The following USP20 variants were observed in gnomAD, a reference collection of about 807,000 sequenced individuals.
USP20 encodes the protein ubiquitin specific peptidase 20.
A neutral mutation model predicts 124.2 loss-of-function variants in USP20; 80 were observed. The observed-to-expected ratio is 0.64, with a 90% CI of 0.54 to 0.78. The LOEUF is 0.78. Among genes scored for constraint, USP20 ranks in the 30% least tolerant of loss-of-function variants. The probability of loss-of-function intolerance (pLI) is 0.00; values close to 1 mark genes in which losing one functional copy is unlikely to be tolerated. For synonymous variants in USP20, 481 were observed against 512.3 expected, an observed-to-expected ratio of 0.94 and a Z score of 0.83; for missense variants, 1,043 against 1,244.4, an observed-to-expected ratio of 0.84 and a Z score of 2.44.
At position 129,879,524 on chromosome 9, in the gene USP20, G is replaced by A. The variant is rs1285381880; in HGVS notation, c.2513-49G>A. On this transcript the variant is annotated intron_variant, in intron 23 of 25. Coordinates refer to ENST00000372429, the MANE Select transcript of USP20 (RefSeq NM_001110303.4). The surrounding 1 kb of genome is among the most constrained non-coding windows in gnomAD (Gnocchi z 4.2). ...TGGGATGGCTCTGCTGCTGTGGAGG[G>A]TGGAGGGCATGGCAGGGGCTGAACC... The A allele has an allele frequency of 6.2e-7, 1 of 1,601,482 alleles. No homozygotes were observed. The highest frequency in any genetic ancestry group is 1.7e-5 in the Admixed American group (1 of 59,826).
At position 129,869,791 on chromosome 9, in the gene USP20, G is replaced by T; in HGVS notation, c.1512G>T (p.Gly504=). Residue 504 remains glycine (G), a synonymous_variant, in exon 14 of 26, where the codon GGG becomes GGT. Transcript: ENST00000372429. ...QNVPAKPGAC[G]DSYAAQGWLA... is the part of the protein sequence containing the mutation. ...TGCCGGCCAAGCCAGGCGCCTGTGG[G>T]GACAGCTATGCCGCCCAGGGCTGGC... 2 of 1,613,992 alleles carry T rather than the reference G, an allele frequency of 1.2e-6. No individual in the cohort carries two copies. The highest frequency in any genetic ancestry group is 3.3e-4 in the Middle Eastern group (2 of 6,060).
intron 1 of USP20, among the ~76,000 whole-genome samples, chr9:129,847,666 C>T (rs912888502): frequency 7.9e-5 from 12 of 152,028 alleles, no homozygotes; most frequent in South Asian, 4.1e-4. Flanking sequence ...ATAAAATGCA[C>T]GCACTTTAAA....
intron 1 of USP20, among the ~76,000 whole-genome samples, chr9:129,844,083 T>G (rs968237729): frequency 6.6e-6 from 1 of 151,898 alleles, no homozygotes; most frequent in Admixed American, 6.6e-5. Flanking sequence ...AAACAAAAGA[T>G]TCATATTCCA....
At chr9:129,873,419 CT>C (rs1266789031) in intron 15 of USP20, 62 bp from the exon 16 acceptor site, 25 of 1,587,136 alleles carry the variant, frequency 1.6e-5, no homozygotes, top group Admixed American at 5.0e-5. Flanking sequence ...ATTATAGTCA[CT>C]TTTTTTTGCT....
rs2032070603 is a variant in USP20, at chr9:129,839,532, T to C, written c.-129+4033T>C. Among the ~76,000 whole-genome samples the C allele has an allele frequency of 6.6e-6, 1 of 151,132 alleles. No individual in the cohort carries two copies. The highest frequency in any genetic ancestry group is 2.4e-5 in the African/African-American group (1 of 40,986). ...GTCTGGGACTTAGGGAGAATGCTGT[T>C]GTGTGGAGGTAGAGTAAAGACAGCA... On this transcript the variant is annotated intron_variant, in intron 1 of 25. Coordinates refer to ENST00000372429, the MANE Select transcript of USP20 (RefSeq NM_001110303.4). This position sits in a 1 kb window ranked among gnomAD's most constrained non-coding sequence, Gnocchi z 4.5.
intron 25 of USP20, 68 bp downstream of exon 25, chr9:129,880,357 A>T: frequency 6.8e-7 from 1 of 1,470,590 alleles, no homozygotes; most frequent in South Asian, 1.3e-5. Context: ...AGACCCTCAC[A>T]TGTCCTTTTG....
chr9:129,878,212 A>G (rs531286363), intron 22 of USP20, 126 bp from the exon 23 acceptor site: 3 of 733,202 alleles, frequency 4.1e-6, no homozygotes, highest in Admixed American at 2.2e-5. Context: ...TTTCACCTTG[A>G]GTATCTGGTG....
intron 15 of USP20, among the ~76,000 whole-genome samples, chr9:129,871,863 C>T (rs1270463734): frequency 6.6e-6 from 1 of 151,834 alleles, no homozygotes; most frequent in Non-Finnish European, 1.5e-5. Context: ...ATTACAGGCA[C>T]ATGCCACCAC....
Position 129,869,881 on chromosome 9 carries a change from G to GA in USP20, c.1565+37_1565+38insA, listed in dbSNP as rs771835094. On this transcript the variant is annotated intron_variant, in intron 14 of 25. Transcript: ENST00000372429. ...TTGCCACTACTGGGCGACATGGGCT[G>GA]GGCCTGTCCTGGTTTTCCTGGGCGG... 308 of 1,493,112 alleles carry GA rather than the reference G, an allele frequency of 2.1e-4. 1 individual carries two copies. The highest frequency in any genetic ancestry group is 2.6e-4 in the Non-Finnish European group (287 of 1,119,462). 92.5% of individuals were successfully genotyped at this position (1,493,112 alleles called of 1,614,324 possible). A position where few individuals can be genotyped will look rare whatever the true frequency, so the allele number is the denominator to read the frequency against.
intron 22 of USP20, 122 bp downstream of exon 22, chr9:129,876,360 T>A: frequency 1.3e-6 from 1 of 765,278 alleles, no homozygotes; most frequent in Non-Finnish European, 2.2e-6. Context: ...CTTTTGAGGC[T>A]GGGCATGGTG....
In USP20 at chr9:129,876,214, G is replaced by A. The variant is rs749214487; in HGVS notation, c.2385G>A (p.Arg795=). The change falls in exon 22 of 26, where the codon AGG becomes AGA. Residue 795 remains arginine, a synonymous_variant. Coordinates refer to ENST00000372429, the MANE Select transcript of USP20 (RefSeq NM_001110303.4). ...VEIEALAKRR[R]IEIDTFIKLN... ...TCGAGGCACTGGCCAAGCGCAGGAG[G>A]ATCGAGATCGACACCTTCATCAAGG... The A allele has an allele frequency of 8.7e-6, 14 of 1,604,472 alleles. No individual in the cohort carries two copies. Among genetic ancestry groups the A allele is most frequent in the Non-Finnish European group, 1.2e-5 (14 of 1,175,412 alleles).
chr9:129,836,766 T>G (rs1436516022), intron 1 of USP20, among the ~76,000 whole-genome samples: 1 of 152,166 alleles, frequency 6.6e-6, no homozygotes, highest in Non-Finnish European at 1.5e-5. Context: ...AGTCTCAAAG[T>G]CTTGCCCTCT....
intron 20 of USP20, 24 bp downstream of exon 20, chr9:129,875,503 G>A (rs1462049079): frequency 1.9e-6 from 3 of 1,612,754 alleles, no homozygotes; most frequent in South Asian, 1.1e-5. Context: ...TGTGGTGGGA[G>A]AGCAGGGTGG....
Position 129,858,100 on chromosome 9 carries a change from C to G in USP20, c.186C>G (p.Thr62=), listed in dbSNP as rs10988533. ...GCGESFADHS[T]IHAQAKKHNL... is the part of the protein sequence containing the mutation. ...GAGAATCCTTTGCTGACCACAGCAC[C>G]ATTCATGCACAGGTGAGTGTGGTGG... The change falls in exon 5 of 26, where the codon ACC becomes ACG. Residue 62 remains threonine (T), a synonymous_variant. Coordinates refer to ENST00000372429, the MANE Select transcript of USP20 (RefSeq NM_001110303.4). 3.6e-4 allele frequency: 585 copies of G among 1,613,908 alleles called. 4 individuals carry two copies. In the East Asian group the frequency reaches 0.011, roughly 32 times the overall value.
In USP20 at chr9:129,876,145, C is replaced by T. The variant is rs9644953; in HGVS notation, c.2316C>T (p.Pro772=). The T allele has an allele frequency of 6.4e-3, 10,327 of 1,613,044 alleles. 266 individuals carry two copies. In the East Asian group the frequency reaches 0.07, roughly 11 times the overall value. ...EHLYNRFGGG[P]AVNHLYVCSI... ...CTGGGCACAGATTCGGGGGTGGCCCCGCCGTGAACCACCTGTACGTGTGCT... is the reference window on the plus strand; with the variant it reads ...CTGGGCACAGATTCGGGGGTGGCCCTGCCGTGAACCACCTGTACGTGTGCT... Residue 772 remains proline (P), a synonymous_variant, in exon 22 of 26, where the codon CCC becomes CCT. Transcript: ENST00000372429.
intron 6 of USP20, among the ~76,000 whole-genome samples, chr9:129,860,353 C>T (rs1283162851): frequency 3.4e-5 from 5 of 148,800 alleles, no homozygotes; most frequent in African/African-American, 9.9e-5. Context: ...AAAACGTCTA[C>T]ATAAGATACA....
At chr9:129,859,707 T>C (rs2033435980) in intron 6 of USP20, among the ~76,000 whole-genome samples, 1 of 152,226 alleles carries the variant, frequency 6.6e-6, no homozygotes, top group African/African-American at 2.4e-5. Context: ...CAATATCTTG[T>C]TTTTGTTGTG....
chr9:129,851,794 G>A (rs62586273), intron 2 of USP20, among the ~76,000 whole-genome samples: 22,497 of 151,890 alleles, frequency 0.15, 2,205 homozygotes, highest in African/African-American at 0.27. Flanking sequence ...CAGTTAGACA[G>A]AAGCAACAGA....
rs760575747 is a variant in USP20, at chr9:129,861,565, C to T, written c.450C>T (p.Leu150=). The T allele has an allele frequency of 1.6e-5, 26 of 1,613,996 alleles. No homozygotes were observed. Among genetic ancestry groups the T allele is most frequent in the African/African-American group, 4.0e-5 (3 of 74,892 alleles). The change falls in exon 8 of 26, where the codon CTC becomes CTT. Residue 150 remains leucine, a synonymous_variant. Transcript: ENST00000372429. ...CAGGCCTCACGGGCATGAAGAACCT[C>T]GGGAACTCCTGCTACATGAACGCTG... ...KPRGLTGMKN[L]GNSCYMNAAL...
Sources: gnomAD v4.1 joint callset for allele counts (sites outside exome capture counted in the v4.1 genomes callset) on GRCh38, gnomAD v4.1.1 for gene constraint, Gnocchi (gnomAD v3.1) non-coding constraint, MANE v1.5 for transcripts, NCBI Gene and HGNC (gene_info 2026-07-23, HGNC 2026-07-21) for gene names.